PPP1CC: variants seen among roughly 807,000 people sequenced by gnomAD.
PPP1CC encodes protein phosphatase 1 catalytic subunit gamma.
PPP1CC carries 16 observed loss-of-function variants against 38.4 expected under a neutral mutation model. The ratio of observed to expected loss-of-function variants is 0.42; its 90% CI spans 0.28 to 0.63. The LOEUF (loss-of-function observed/expected upper bound fraction) is 0.63. PPP1CC is among the 30% of genes least tolerant of loss of function. The pLI, the probability that PPP1CC is intolerant of heterozygous loss-of-function variation, is 0.25. For missense variants in PPP1CC, 170 were observed against 391.3 expected (o/e 0.43, Z 4.77); for synonymous variants, 158 against 136.0 (o/e 1.16, Z -1.13).
chr12:110,726,169 GAGTT>G (rs1231796779), intron 3 of PPP1CC: 3 of 152,256 alleles, frequency 2.0e-5, no homozygotes, highest in Non-Finnish European at 4.4e-5. Context: ...TCTCCTTTGA[GAGTT>G]AGAGCCAGCC....
chr12:110,736,959 A>C (rs1273329158), intron 1 of PPP1CC, among the ~76,000 whole-genome samples: 3 of 152,258 alleles, frequency 2.0e-5, no homozygotes, highest in African/African-American at 7.2e-5. Flanking sequence ...AAGCCAACGA[A>C]GATTTTGCTG....
chr12:110,723,686 C>T (rs896343254), intron 4 of PPP1CC, among the ~76,000 whole-genome samples: 5 of 152,222 alleles, frequency 3.3e-5, no homozygotes, highest in African/African-American at 9.6e-5. Flanking sequence ...ACTTTTACAA[C>T]TTTTTCTAAT....
rs138148218 is a variant in PPP1CC at position 110,736,591 on chromosome 12, C to A, written c.56-4690G>T. On this transcript the variant is annotated intron_variant, in intron 1 of 6. Transcript: ENST00000335007. ...CCCGGGAGACAGATGCTGCATTGAG[C>A]CGAGATCATGCCACTGCACTCCAGC... Among the ~76,000 whole-genome samples, 1,107 of 152,266 alleles carry A rather than the reference C, an allele frequency of 7.3e-3. 14 individuals are homozygous for A. Among genetic ancestry groups the A allele is most frequent in the African/African-American group, 0.025 (1,044 of 41,536 alleles).
intron 3 of PPP1CC, among the ~76,000 whole-genome samples, chr12:110,728,342 T>C (rs897154162): frequency 1.4e-5 from 2 of 143,762 alleles, no homozygotes; most frequent in Non-Finnish European, 3.0e-5. Context: ...GAGCTTGCAG[T>C]GAGGCGAGAT....
In PPP1CC at chr12:110,720,891, G is replaced by T; in HGVS notation, c.*185C>A. ...AAAAAACAAAACACTTTTCTTTTTG[G>T]AGTGAAGAGTCTTTCATTTGCTGTT... On this transcript the variant is annotated 3_prime_UTR_variant, in exon 7 of 7. Transcript: ENST00000335007. 2.0e-6 allele frequency: 1 copy of T among 499,090 alleles called. No homozygotes were observed. Among genetic ancestry groups the T allele is most frequent in the East Asian group, 3.3e-5 (1 of 30,098 alleles). 30.9% of individuals were successfully genotyped at this position (499,090 alleles called of 1,614,324 possible).
rs1239053570 is a variant in PPP1CC, at chr12:110,738,321, G to A, written c.55+4332C>T. On this transcript the variant is annotated intron_variant, in intron 1 of 6. Coordinates refer to ENST00000335007, the MANE Select transcript of PPP1CC (RefSeq NM_002710.4). ...GGAATTCCATAAGCTCCATGGAAAT[G>A]AAATCCTTCCTTCTTGGTCTTGAAT... Among the ~76,000 whole-genome samples, 4 of 152,192 alleles carry A rather than the reference G, an allele frequency of 2.6e-5. No homozygotes were observed. The East Asian group carries it at 7.7e-4, about 29-fold the overall frequency.
intron 3 of PPP1CC, among the ~76,000 whole-genome samples, chr12:110,729,049 A>G (rs188893224): frequency 3.2e-4 from 49 of 152,296 alleles, no homozygotes; most frequent in African/African-American, 1.0e-3. Flanking sequence ...GCAAATGCCA[A>G]GTACCTGAAG....
the PPP1CC span, among the ~76,000 whole-genome samples, chr12:110,712,182 C>G: frequency 3.3e-5 from 5 of 151,962 alleles, no homozygotes; most frequent in African/African-American, 1.2e-4. Context: ...CTTATGTCAT[C>G]TAGGTTTGTG....
chr12:110,720,960 G>T lies in PPP1CC; in HGVS notation c.*116C>A. On this transcript the variant is annotated 3_prime_UTR_variant, in exon 7 of 7. Coordinates refer to ENST00000335007, the MANE Select transcript of PPP1CC (RefSeq NM_002710.4). ...TCACTAAATCAAAAATGGAAGGAAG[G>T]GCCCCCACAAACACAGATCTATCTG... 1.3e-6 allele frequency: 1 copy of T among 767,478 alleles called. No individual in the cohort carries two copies. Among genetic ancestry groups the T allele is most frequent in the South Asian group, 2.3e-5 (1 of 43,802 alleles). 47.5% of individuals were successfully genotyped at this position (767,478 alleles called of 1,614,324 possible). A position where few individuals can be genotyped will look rare whatever the true frequency, so the allele number is the denominator to read the frequency against.
At chr12:110,716,415 G>C (rs2136531194), downstream of PPP1CC, among the ~76,000 whole-genome samples, 1 of 151,560 alleles carries the variant, frequency 6.6e-6, no homozygotes, top group African/African-American at 2.4e-5. Context: ...TGCAGTGGCA[G>C]AGTCTTGGCT....
intron 1 of PPP1CC, among the ~76,000 whole-genome samples, chr12:110,738,148 A>G (rs2069969655): frequency 6.6e-6 from 1 of 152,210 alleles, no homozygotes. Context: ...GGTGATGACC[A>G]CTACCTTCTA....
intron 1 of PPP1CC, among the ~76,000 whole-genome samples, chr12:110,742,044 T>C (rs547559429): frequency 1.6e-4 from 25 of 152,012 alleles, no homozygotes; most frequent in Non-Finnish European, 3.1e-4. Context: ...TCTCCAAGAT[T>C]AGAACAACTT....
chr12:110,730,876 T>C, intron 2 of PPP1CC, 117 bp from the exon 3 acceptor site: 1 of 675,786 alleles, frequency 1.5e-6, no homozygotes, highest in Non-Finnish European at 2.4e-6. Context: ...CCTCTAGTAA[T>C]GAGAGTTTAA....
At chr12:110,717,283 A>G (rs1311202088), downstream of PPP1CC, among the ~76,000 whole-genome samples, 1 of 152,212 alleles carries the variant, frequency 6.6e-6, no homozygotes, top group African/African-American at 2.4e-5. Flanking sequence ...TCTGATTTGC[A>G]GGACTGAAAG....
In PPP1CC at chr12:110,719,894, C is replaced by T. The variant is rs1257088082; in HGVS notation, c.*1182G>A. The T allele has an allele frequency of 2.1e-6, 1 of 477,480 alleles. No individual in the cohort carries two copies. Among genetic ancestry groups the T allele is most frequent in the African/African-American group, 2.0e-5 (1 of 50,286 alleles). 29.6% of individuals were successfully genotyped at this position (477,480 alleles called of 1,614,324 possible). A position where few individuals can be genotyped will look rare whatever the true frequency, so the allele number is the denominator to read the frequency against. Reference sequence around the variant, plus strand: ...TGTGTGTATTGTGCTGATAAATAGACACTGAGAAGATTTAACAAGTTCATC... The same window carrying T: ...TGTGTGTATTGTGCTGATAAATAGATACTGAGAAGATTTAACAAGTTCATC... On this transcript the variant is annotated 3_prime_UTR_variant, in exon 7 of 7. Transcript: ENST00000335007.
downstream of PPP1CC, among the ~76,000 whole-genome samples, chr12:110,717,323 T>C (rs1341517094): frequency 1.3e-5 from 2 of 152,216 alleles, no homozygotes; most frequent in Non-Finnish European, 2.9e-5. Context: ...CCCCTGCAGA[T>C]TCAAGCCAGC....
Position 110,724,782 on chromosome 12 carries a change from GTAT to G in PPP1CC, c.419-21_419-19del, listed in dbSNP as rs776693117. ...TCTTTTACCTGTGATTAAAAAGAGAGTATTACATTAAAAAGAGAGTATTACTGT... is the reference window on the plus strand; with the variant it reads ...TCTTTTACCTGTGATTAAAAAGAGAGTACATTAAAAAGAGAGTATTACTGT... On this transcript the variant is annotated intron_variant, in intron 3 of 6. Transcript: ENST00000335007. 15 of 1,417,824 alleles carry G rather than the reference GTAT, an allele frequency of 1.1e-5. No individual in the cohort carries two copies. Among genetic ancestry groups the G allele is most frequent in the Non-Finnish European group, 1.5e-5 (15 of 1,002,432 alleles). The allele number at this position is 1,417,824 out of a possible 1,614,324, so 87.8% of individuals were successfully genotyped here.
chr12:110,734,812 G>A (rs2069922879), intron 1 of PPP1CC: 2 of 153,130 alleles, frequency 1.3e-5, no homozygotes, highest in African/African-American at 2.4e-5. Flanking sequence ...AATGGGGCTT[G>A]GCAGTCCAAG....
At chr12:110,717,624 C>T (rs772937312), downstream of PPP1CC, among the ~76,000 whole-genome samples, 2 of 151,996 alleles carry the variant, frequency 1.3e-5, no homozygotes, top group African/African-American at 4.8e-5. Flanking sequence ...TCTCGATCTC[C>T]TGACCTTGTA....
Sources: gnomAD v4.1 joint callset for allele counts (sites outside exome capture counted in the v4.1 genomes callset) on GRCh38, gnomAD v4.1.1 for gene constraint, MANE v1.5 for transcripts, NCBI Gene and HGNC (gene_info 2026-07-23, HGNC 2026-07-21) for gene names.